Variants in RBFOX1 observed in about 807,000 individuals in gnomAD.
RBFOX1 encodes RNA binding fox-1 homolog 1, also known as RNA binding protein fox-1 homolog 1.
In RBFOX1, 8 loss-of-function variants were observed where a neutral mutation model predicts 57.7. The ratio of observed to expected loss-of-function variants is 0.14; its 90% CI spans 0.08 to 0.25. RBFOX1 has a LOEUF of 0.25. Ranked by LOEUF, RBFOX1 falls within the 10% of genes least tolerant of loss-of-function variation. The pLI is 1.00. For synonymous variants in RBFOX1, 326 were observed against 222.4 expected (o/e 1.47, Z -4.15); for missense variants, 611 against 548.5 (o/e 1.11, Z -1.14).
chr16:7,237,089 G>A (rs1406766840), intron 4 of RBFOX1, among the ~76,000 whole-genome samples: 1 of 152,166 alleles, frequency 6.6e-6, no homozygotes, highest in South Asian at 2.1e-4. Flanking sequence ...GGTTTGGGTG[G>A]CAGCCAGCTA....
intron 14 of RBFOX1, among the ~76,000 whole-genome samples, chr16:7,677,132 T>TACATACACACACACACACACACACACAC (rs1555762484): frequency 7.3e-6 from 1 of 137,862 alleles, no homozygotes; most frequent in Admixed American, 7.8e-5. Context: ...CACATACACA[T>TACATACACACACACACACACACACACAC]ACACACACAC....
chr16:6,142,287 T>C (rs2096723765), intron 1 of RBFOX1, among the ~76,000 whole-genome samples: 1 of 145,694 alleles, frequency 6.9e-6, no homozygotes, highest in Non-Finnish European at 1.5e-5. Context: ...AATGGCGTGA[T>C]CTTGGCTCAC....
At chr16:7,649,727 C>T (rs1404541023) in intron 11 of RBFOX1, among the ~76,000 whole-genome samples, 1 of 152,130 alleles carries the variant, frequency 6.6e-6, no homozygotes, top group Non-Finnish European at 1.5e-5. Context: ...TGCTTGGTAC[C>T]AGTTACTCAT....
At chr16:7,032,767 C>A (rs140857958) in intron 3 of RBFOX1, among the ~76,000 whole-genome samples, 1 of 151,856 alleles carries the variant, frequency 6.6e-6, no homozygotes, top group African/African-American at 2.4e-5. Flanking sequence ...TTCCTTTTAC[C>A]CTCTATGAGA....
intron 4 of RBFOX1, among the ~76,000 whole-genome samples, chr16:7,315,460 C>CCCCCCCG (rs1555700239): frequency 2.0e-5 from 3 of 151,180 alleles, no homozygotes; most frequent in Non-Finnish European, 3.0e-5. Flanking sequence ...TACCCTACCC[C>CCCCCCCG]CCCCCCCATA....
intron 8 of RBFOX1, among the ~76,000 whole-genome samples, chr16:7,596,254 A>G (rs1357909296): frequency 6.6e-6 from 1 of 151,266 alleles, no homozygotes. Context: ...TTTCCTGTTC[A>G]ATATCTGGCC....
intron 3 of RBFOX1, among the ~76,000 whole-genome samples, chr16:6,673,400 C>T (rs1049849741): frequency 6.6e-6 from 1 of 152,016 alleles, no homozygotes; most frequent in Non-Finnish European, 1.5e-5. Flanking sequence ...CCAGCCTGGT[C>T]AACATGGCAA....
chr16:7,286,323 T>G (rs1179582616), intron 4 of RBFOX1, among the ~76,000 whole-genome samples: 3 of 152,184 alleles, frequency 2.0e-5, no homozygotes, highest in Non-Finnish European at 4.4e-5. Context: ...AAACATCATG[T>G]GGCTTTGCAG....
intron 3 of RBFOX1, among the ~76,000 whole-genome samples, chr16:6,768,768 C>T (rs1256392018): frequency 7.1e-6 from 1 of 141,110 alleles, no homozygotes; most frequent in Non-Finnish European, 1.5e-5. Flanking sequence ...CTTGCTTTGT[C>T]GCCAGGTTGG....
At chr16:6,427,857 T>A (rs911920016) in intron 2 of RBFOX1, among the ~76,000 whole-genome samples, 1 of 152,190 alleles carries the variant, frequency 6.6e-6, no homozygotes, top group African/African-American at 2.4e-5. Context: ...GTTCACCCGT[T>A]ACCAGGTGTG....
At chr16:7,694,491 G>A (rs929166107) in intron 14 of RBFOX1, among the ~76,000 whole-genome samples, 38 of 152,266 alleles carry the variant, frequency 2.5e-4, no homozygotes, top group African/African-American at 4.8e-4. Flanking sequence ...CCTTCATAAC[G>A]GGTTAAAGTC....
At chr16:6,342,194 A>G (rs2084672816) in intron 2 of RBFOX1, among the ~76,000 whole-genome samples, 1 of 152,182 alleles carries the variant, frequency 6.6e-6, no homozygotes, top group African/African-American at 2.4e-5. Context: ...CAATGTGGGA[A>G]TGGAGGCAAG....
chr16:5,977,047 C>G (rs774593143), intron 4 of RBFOX1, among the ~76,000 whole-genome samples: 1 of 152,118 alleles, frequency 6.6e-6, no homozygotes. Context: ...ATCACAGACA[C>G]AGGGCATCAG....
chr16:5,407,793 A>T (rs144510114), intron 1 of RBFOX1, among the ~76,000 whole-genome samples: 1 of 152,026 alleles, frequency 6.6e-6, no homozygotes, highest in Non-Finnish European at 1.5e-5. Context: ...AAACGATCCA[A>T]CTGCCCCGGC....
chr16:5,391,392 C>G (rs1470073213), intron 1 of RBFOX1, among the ~76,000 whole-genome samples: 3 of 152,136 alleles, frequency 2.0e-5, no homozygotes, highest in African/African-American at 7.2e-5. Context: ...CATTCCTTCA[C>G]TAGTGGCTTC....
chr16:6,344,407 C>CTTTTTTTTTTTTTTTTTT lies in RBFOX1; in HGVS notation c.-64+27362_-64+27363insTTTTTTTTTTTTTTTTTT, dbSNP rs60637926. Among the ~76,000 whole-genome samples, 94 of 109,838 alleles carry CTTTTTTTTTTTTTTTTTT rather than the reference C, an allele frequency of 8.6e-4. 6 individuals are homozygous for CTTTTTTTTTTTTTTTTTT. Among genetic ancestry groups the CTTTTTTTTTTTTTTTTTT allele is most frequent in the Non-Finnish European group, 1.2e-3 (73 of 59,138 alleles). The allele number at this position is 109,838 out of a possible 152,430, so 72.1% of individuals were successfully genotyped here. On this transcript the variant is annotated intron_variant, in intron 2 of 15. Coordinates refer to ENST00000550418, the MANE Select transcript of RBFOX1 (RefSeq NM_018723.4). ...TCTCTTCTTCTTTTTTCTTTTTTTTCTTTTTTTTTTTTGAGACAGAGTCTC... is the reference window on the plus strand; with the variant it reads ...TCTCTTCTTCTTTTTTCTTTTTTTTCTTTTTTTTTTTTTTTTTTTTTTTTTTTTTTGAGACAGAGTCTC...
chr16:6,635,904 A>G (rs2154065697), intron 2 of RBFOX1, among the ~76,000 whole-genome samples: 1 of 152,238 alleles, frequency 6.6e-6, no homozygotes, highest in East Asian at 1.9e-4. Flanking sequence ...TTTCTTTTTC[A>G]GATTTTGGAA....
rs184583162 is a variant in RBFOX1 at position 5,951,122 on chromosome 16, G to C, written c.351+83787G>C. On this transcript the variant is annotated intron_variant, in intron 4 of 19. Coordinates refer to the RBFOX1 transcript ENST00000641259. ...GAGACCTATACAATCTGAATGAATA[G>C]AGAGAGATATCCTGAACTTTTTATT... Among the ~76,000 whole-genome samples, 314 of 152,258 alleles carry C rather than the reference G, an allele frequency of 2.1e-3. 2 individuals are homozygous for C. Among genetic ancestry groups the C allele is most frequent in the African/African-American group, 7.1e-3 (294 of 41,552 alleles).
intron 2 of RBFOX1, among the ~76,000 whole-genome samples, chr16:6,579,178 G>C (rs1354089017): frequency 6.6e-6 from 1 of 152,172 alleles, no homozygotes; most frequent in South Asian, 2.1e-4. Context: ...GCTTAGTTCT[G>C]TTTTTGTTTT....
Sources: allele counts gnomAD v4.1 joint callset (sites outside exome capture counted in the v4.1 genomes callset), GRCh38; gene constraint gnomAD v4.1.1; transcripts MANE v1.5; gene names NCBI Gene and HGNC (gene_info 2026-07-23, HGNC 2026-07-21).